The following BANK1 variants were observed in gnomAD, a reference collection of about 807,000 sequenced individuals.
BANK1 encodes the protein B cell scaffold protein with ankyrin repeats 1.
A neutral mutation model predicts 94.5 loss-of-function variants in BANK1; 95 were observed. The observed-to-expected ratio is 1.00, with a 90% CI of 0.85 to 1.19. BANK1 has a LOEUF of 1.19. BANK1 is among the 50% of genes most tolerant of loss of function. The pLI is 0.00. For synonymous variants in BANK1, 334 were observed against 308.4 expected, an observed-to-expected ratio of 1.08 and a Z score of -0.87; for missense variants, 987 against 932.2, an observed-to-expected ratio of 1.06 and a Z score of -0.77.
At chr4:101,996,376 G>A (rs989568465) in intron 7 of BANK1, among the ~76,000 whole-genome samples, 1 of 152,110 alleles carries the variant, frequency 6.6e-6, no homozygotes, top group African/African-American at 2.4e-5. Context: ...CTCCAGCTTT[G>A]TTCTTTTTGC....
chr4:102,029,967 G>T lies in BANK1; in HGVS notation c.1602G>T (p.Met534Ile). Residue 534 changes from methionine to isoleucine, a missense_variant, in exon 10 of 17, where the codon ATG becomes ATT. Transcript: ENST00000322953. ...TAAATATTTCATAAACAGGGACAATGGTGGAAGGCCAAATGGAAAGAAGTC... is the reference window on the plus strand; with the variant it reads ...TAAATATTTCATAAACAGGGACAATTGTGGAAGGCCAAATGGAAAGAAGTC... ...ERPHFTLPGT[M>I]VEGQMERSQN... 6.2e-7 allele frequency: 1 copy of T among 1,603,546 alleles called. No individual in the cohort carries two copies. Among genetic ancestry groups the T allele is most frequent in the Non-Finnish European group, 8.5e-7 (1 of 1,176,930 alleles).
chr4:101,959,485 T>G (rs1184994302), intron 7 of BANK1, among the ~76,000 whole-genome samples: 2 of 152,160 alleles, frequency 1.3e-5, no homozygotes, highest in Non-Finnish European at 2.9e-5. Context: ...CAAGGAAAAT[T>G]GAGATAGGAC....
chr4:101,871,244 CTATTTA>C (rs1728276364), intron 5 of BANK1, among the ~76,000 whole-genome samples: 1 of 151,970 alleles, frequency 6.6e-6, no homozygotes. Context: ...AATGCCATTT[CTATTTA>C]TAACAATTTG....
At chr4:101,928,402 A>G (rs182313322) in intron 7 of BANK1, among the ~76,000 whole-genome samples, 1 of 151,674 alleles carries the variant, frequency 6.6e-6, no homozygotes, top group Admixed American at 6.6e-5. Context: ...GAGAAAGTGA[A>G]CTGTCAGGGA....
In BANK1 at chr4:102,030,000, G is replaced by C; in HGVS notation, c.1635G>C (p.Trp545Cys). 1 of 1,611,862 alleles carries C rather than the reference G, an allele frequency of 6.2e-7. No individual in the cohort carries two copies. The highest frequency in any genetic ancestry group is 1.1e-5 in the South Asian group (1 of 90,520). The change falls in exon 10 of 17, where the codon TGG becomes TGC. Residue 545 changes from tryptophan (W) to cysteine (C), a missense_variant. Transcript: ENST00000322953. ...VEGQMERSQN[W>C]GHPGVRQETG... is the part of the protein sequence containing the mutation. The stretch of plus-strand genomic sequence containing the variant: ...GCCAAATGGAAAGAAGTCAAAACTG[G>C]GGTCATCCTGGTGTTAGACAAGAAA...
intron 11 of BANK1, among the ~76,000 whole-genome samples, chr4:102,057,320 T>TTC (rs377557916): frequency 1.4e-4 from 20 of 146,112 alleles, no homozygotes; most frequent in Admixed American, 2.7e-4. Flanking sequence ...GTTTCTCTAT[T>TTC]TCTCTCTCTC....
chr4:101,975,740 T>G (rs1167663497), intron 7 of BANK1, among the ~76,000 whole-genome samples: 1 of 152,166 alleles, frequency 6.6e-6, no homozygotes, highest in African/African-American at 2.4e-5. Context: ...CTGAAATCTT[T>G]TTGAGTGCTG....
At chr4:101,960,740 A>C (rs900136988) in intron 7 of BANK1, among the ~76,000 whole-genome samples, 1 of 152,212 alleles carries the variant, frequency 6.6e-6, no homozygotes, top group Non-Finnish European at 1.5e-5. Context: ...AAGCAATTTT[A>C]AAAGCATAAC....
In BANK1 at chr4:101,966,419, A is replaced by T. The variant is rs188708767; in HGVS notation, c.1206+48230A>T. Among the ~76,000 whole-genome samples, 642 of 152,158 alleles carry T rather than the reference A, an allele frequency of 4.2e-3. 8 individuals carry two copies. The highest frequency in any genetic ancestry group is 0.015 in the African/African-American group (630 of 41,526). On this transcript the variant is annotated intron_variant, in intron 7 of 16. Transcript: ENST00000322953. ...GTGTGTCATTTGATTGTCAATAATA[A>T]TAATAATAAATTATTGAATCTGGTT...
chr4:101,947,408 G>T (rs1468069431), intron 7 of BANK1, among the ~76,000 whole-genome samples: 1 of 150,024 alleles, frequency 6.7e-6, no homozygotes, highest in African/African-American at 2.4e-5. Flanking sequence ...AACCTGGGAT[G>T]CCCATGAGTC....
At chr4:101,870,482 A>G in intron 4 of BANK1, 23 bp from the exon 5 acceptor site, 1 of 1,604,680 alleles carries the variant, frequency 6.2e-7, no homozygotes, top group African/African-American at 1.3e-5. Context: ...CTCTGCCCCT[A>G]ACCCTTGTTT....
intron 1 of BANK1, among the ~76,000 whole-genome samples, chr4:101,800,124 T>C (rs67330256): frequency 0.43 from 34,210 of 80,194 alleles, 4,800 homozygotes; most frequent in Middle Eastern, 0.5. Context: ...CACACCAGGG[T>C]TTGTTGTTGG....
chr4:101,954,875 C>T (rs955788058), intron 7 of BANK1, among the ~76,000 whole-genome samples: 1 of 152,102 alleles, frequency 6.6e-6, no homozygotes, highest in African/African-American at 2.4e-5. Context: ...GTTTTGAGCA[C>T]CTTAGGAACA....
chr4:102,040,701 A>G (rs1241711324), intron 10 of BANK1, among the ~76,000 whole-genome samples: 1 of 152,056 alleles, frequency 6.6e-6, no homozygotes, highest in Non-Finnish European at 1.5e-5. Flanking sequence ...CAGGTTATAA[A>G]TAATATTTTC....
intron 10 of BANK1, among the ~76,000 whole-genome samples, chr4:102,030,960 T>C (rs1395012884): frequency 1.3e-5 from 2 of 152,308 alleles, no homozygotes; most frequent in East Asian, 3.9e-4. Context: ...TACCCAGTAA[T>C]GGGATTGCTG....
At chr4:102,026,746 C>T (rs1255262870) in intron 9 of BANK1, among the ~76,000 whole-genome samples, 1 of 147,290 alleles carries the variant, frequency 6.8e-6, no homozygotes, top group Non-Finnish European at 1.5e-5. Context: ...CGCTTGAGCC[C>T]GGGAGGCGGA....
At chr4:102,000,977 A>T (rs1415244167) in intron 7 of BANK1, among the ~76,000 whole-genome samples, 1 of 152,166 alleles carries the variant, frequency 6.6e-6, no homozygotes, top group African/African-American at 2.4e-5. Context: ...GTATTAAACT[A>T]AGCTCTAAAT....
rs1399789284 is a variant in BANK1, at chr4:102,071,285, C to A, written c.2223C>A (p.Thr741=). The change falls in exon 14 of 17, where the codon ACC becomes ACA. Residue 741 remains threonine (T), a synonymous_variant. Transcript: ENST00000322953. Reference sequence around the variant, plus strand: ...TTTTTTGTCTTCCAGATAAACTCACCATTGTGCACCATCCAGGTGGTAAGT... The same window carrying A: ...TTTTTTGTCTTCCAGATAAACTCACAATTGTGCACCATCCAGGTGGTAAGT... ...PEEENVYNKL[T]IVHHPGGKET... 1.4e-5 allele frequency: 23 copies of A among 1,613,656 alleles called. No individual in the cohort carries two copies. Among genetic ancestry groups the A allele is most frequent in the Non-Finnish European group, 1.9e-5 (22 of 1,179,834 alleles).
In BANK1 at chr4:102,072,509, T is replaced by A. The variant is rs79243517; in HGVS notation, c.2298+109T>A. 9,272 of 771,088 alleles carry A rather than the reference T, an allele frequency of 0.012. 639 individuals carry two copies. In the African/African-American group the frequency reaches 0.15, roughly 12 times the overall value. 47.8% of individuals were successfully genotyped at this position (771,088 alleles called of 1,614,324 possible). On this transcript the variant is annotated intron_variant, in intron 15 of 16. Transcript: ENST00000322953. ...ATGCTTTTAGACATTCTAACAGATATGAACAAAATAGGTTAGGTGTGCCTT... is the reference window on the plus strand; with the variant it reads ...ATGCTTTTAGACATTCTAACAGATAAGAACAAAATAGGTTAGGTGTGCCTT...
Sources: allele counts gnomAD v4.1 joint callset (sites outside exome capture counted in the v4.1 genomes callset), GRCh38; gene constraint gnomAD v4.1.1; transcripts MANE v1.5; gene names NCBI Gene and HGNC (gene_info 2026-07-23, HGNC 2026-07-21).